The following CRISP3 variants were observed in gnomAD, a reference collection of about 807,000 sequenced individuals.
CRISP3 encodes cysteine rich secretory protein 3, also known as cysteine-rich secretory protein 3.
A neutral mutation model predicts 36.1 loss-of-function variants in CRISP3; 33 were observed. That is an observed-to-expected ratio of 0.91 (90% CI 0.69 to 1.22). CRISP3 has a LOEUF of 1.22. Among genes scored for constraint, CRISP3 ranks in the 50% most tolerant of loss-of-function variants. The pLI, the probability that CRISP3 is intolerant of heterozygous loss-of-function variation, is 0.00. For missense variants in CRISP3, 330 were observed against 301.2 expected, an observed-to-expected ratio of 1.10 and a Z score of -0.71; for synonymous variants, 117 against 104.6, an observed-to-expected ratio of 1.12 and a Z score of -0.72.
At chr6:49,738,057 A>G (rs1479169348) in intron 1 of CRISP3, among the ~76,000 whole-genome samples, 1 of 152,154 alleles carries the variant, frequency 6.6e-6, no homozygotes, top group African/African-American at 2.4e-5. Flanking sequence ...CTCAAATTTA[A>G]AAAGGCAACA....
At chr6:49,735,689 A>C (rs1262017798) in intron 3 of CRISP3, 98 bp from the exon 4 acceptor site, 2 of 795,254 alleles carry the variant, frequency 2.5e-6, no homozygotes, top group Non-Finnish European at 4.0e-6. Context: ...ACATCATCAT[A>C]AAATTTCTGT....
At position 49,733,765 on chromosome 6, in the gene CRISP3, T is replaced by C. The variant is rs947818445; in HGVS notation, c.400A>G (p.Asn134Asp). The C allele has an allele frequency of 2.6e-5, 42 of 1,613,736 alleles. No individual in the cohort carries two copies. The highest frequency in any genetic ancestry group is 8.3e-5 in the Admixed American group (5 of 59,980). ...QAIQSWFDEY[N>D]DFDFGVGPKT... ...GGCCCTACACCAAAGTCAAAATCAT[T>C]GTACTCATCAAACCAGCTTTGGATT... The change falls in exon 5 of 8, where the codon AAT becomes GAT. Residue 134 changes from asparagine (N) to aspartate (D), a missense_variant. Transcript: ENST00000263045.
chr6:49,735,491 C>A lies in CRISP3; in HGVS notation c.316+13G>T. On this transcript the variant is annotated intron_variant, in intron 4 of 7. Transcript: ENST00000263045. ...TGTTGATTTATTCAACAAATATTTC[C>A]TAATTTACATACTTGTCATTCGATC... 1 of 1,573,690 alleles carries A rather than the reference C, an allele frequency of 6.4e-7. No homozygotes were observed. Among genetic ancestry groups the A allele is most frequent in the Non-Finnish European group, 8.7e-7 (1 of 1,150,158 alleles).
At chr6:49,729,701 CAATA>C (rs796876400) in intron 7 of CRISP3, among the ~76,000 whole-genome samples, 1 of 152,202 alleles carries the variant, frequency 6.6e-6, no homozygotes, top group East Asian at 1.9e-4. Context: ...CAATACTCAA[CAATA>C]CCAGGTAACA....
intron 3 of CRISP3, among the ~76,000 whole-genome samples, chr6:49,735,932 A>T (rs1769040199): frequency 6.6e-6 from 1 of 152,132 alleles, no homozygotes; most frequent in Non-Finnish European, 1.5e-5. Context: ...CCAACAATGA[A>T]GTAATTAGCT....
At chr6:49,733,615 A>G (rs1165409438) in intron 5 of CRISP3, 88 bp downstream of exon 5, 1 of 1,385,176 alleles carries the variant, frequency 7.2e-7, no homozygotes, top group African/African-American at 1.4e-5. Context: ...ATTTTCCCCA[A>G]ATTCAACTTG....
intron 5 of CRISP3, 59 bp from the exon 6 acceptor site, chr6:49,733,351 A>T: frequency 8.7e-7 from 1 of 1,143,580 alleles, no homozygotes; most frequent in South Asian, 1.4e-5. Context: ...ATACCAAAAA[A>T]CAAATAGTAG....
At chr6:49,739,061 AG>A (rs1226708516) in intron 1 of CRISP3, among the ~76,000 whole-genome samples, 4 of 152,148 alleles carry the variant, frequency 2.6e-5, no homozygotes, top group African/African-American at 9.7e-5. Flanking sequence ...GAGCTCCAGA[AG>A]ATTTCAAACT....
Position 49,731,233 on chromosome 6 carries a change from T to A in CRISP3, c.579A>T (p.Arg193Ser), listed in dbSNP as rs1768909102. 8.7e-6 allele frequency: 14 copies of A among 1,600,332 alleles called. No individual in the cohort carries two copies. The highest frequency in any genetic ancestry group is 1.3e-5 in the African/African-American group (1 of 74,402). Residue 193 changes from arginine to serine, a missense_variant, in exon 7 of 8, where the codon AGA (arginine) becomes AGT (serine). Arg to Ser is a moderately radical substitution (Grantham distance 110, BLOSUM62 -1). Transcript: ENST00000263045. ...CTCCTTGTTCATAAGGGACATATAG[T>A]CTATTAGCCCAATTACCACTGAAAT... ...QYCPAGNWANRLYVPYEQGAP... is the reference protein window; with the variant it reads ...QYCPAGNWANSLYVPYEQGAP...
intron 7 of CRISP3, among the ~76,000 whole-genome samples, chr6:49,729,608 A>G (rs150388488): frequency 6.6e-6 from 1 of 152,160 alleles, no homozygotes; most frequent in Non-Finnish European, 1.5e-5. Flanking sequence ...CAGAGAAATG[A>G]CACTCCCAAC....
At chr6:49,742,340 A>C (rs1473134569) in intron 1 of CRISP3, among the ~76,000 whole-genome samples, 3 of 152,300 alleles carry the variant, frequency 2.0e-5, no homozygotes, top group African/African-American at 4.8e-5. Flanking sequence ...AAACTTTTAA[A>C]AGAAGAATTG....
At chr6:49,742,548 C>T (rs1475192143) in intron 1 of CRISP3, among the ~76,000 whole-genome samples, 1 of 142,914 alleles carries the variant, frequency 7.0e-6, no homozygotes, top group Non-Finnish European at 1.5e-5. Flanking sequence ...AGGAGAATTG[C>T]TTGAAACTAG....
chr6:49,734,951 A>G (rs2127451623), intron 4 of CRISP3, among the ~76,000 whole-genome samples: 1 of 152,270 alleles, frequency 6.6e-6, no homozygotes, highest in South Asian at 2.1e-4. Flanking sequence ...CAGAAAATAT[A>G]AAAGACATGG....
intron 1 of CRISP3, among the ~76,000 whole-genome samples, chr6:49,738,811 CA>C (rs1167158913): frequency 6.6e-6 from 1 of 152,058 alleles, no homozygotes; most frequent in Non-Finnish European, 1.5e-5. Flanking sequence ...GTCAATGTCA[CA>C]AACCATCTCG....
intron 3 of CRISP3, 22 bp downstream of exon 3, chr6:49,736,369 C>G (rs763932837): frequency 1.3e-6 from 2 of 1,506,014 alleles, no homozygotes; most frequent in East Asian, 4.5e-5. Flanking sequence ...ACACCCCTCT[C>G]CTTTGCAATA....
Position 49,727,422 on chromosome 6 carries a change from C to T in CRISP3, c.*1308G>A, listed in dbSNP as rs1768791693. The T allele has an allele frequency of 6.6e-6, 1 of 151,756 alleles. No homozygotes were observed. Among genetic ancestry groups the T allele is most frequent in the South Asian group, 2.1e-4 (1 of 4,800 alleles). 9.4% of individuals were successfully genotyped at this position (151,756 alleles called of 1,614,324 possible). ...ATTTTGCATTGCTTTCTTAGACTTA[C>T]CGAAAATTTGGTAAGATAGTACAGA... On this transcript the variant is annotated 3_prime_UTR_variant, in exon 8 of 8. Transcript: ENST00000263045.
chr6:49,730,558 T>A (rs1008733959), intron 7 of CRISP3, among the ~76,000 whole-genome samples: 4 of 152,220 alleles, frequency 2.6e-5, no homozygotes, highest in African/African-American at 7.2e-5. Flanking sequence ...GTATTTTGTA[T>A]AATGATATAA....
intron 6 of CRISP3, among the ~76,000 whole-genome samples, chr6:49,732,396 G>A (rs2127450673): frequency 6.6e-6 from 1 of 152,084 alleles, no homozygotes; most frequent in Non-Finnish European, 1.5e-5. Flanking sequence ...CTGAGTTTGG[G>A]GAAAACCCCT....
chr6:49,734,658 T>C (rs1018590268), intron 4 of CRISP3, among the ~76,000 whole-genome samples: 3 of 152,158 alleles, frequency 2.0e-5, no homozygotes, highest in African/African-American at 7.2e-5. Context: ...ACCATTTCTT[T>C]CAATCTTCTC....
Sources: gnomAD v4.1 joint callset for allele counts (sites outside exome capture counted in the v4.1 genomes callset) on GRCh38, gnomAD v4.1.1 for gene constraint, MANE v1.5 for transcripts, NCBI Gene and HGNC (gene_info 2026-07-23, HGNC 2026-07-21) for gene names.